APBA2: variants seen among roughly 807,000 people sequenced by gnomAD.
APBA2 encodes amyloid beta precursor protein binding family A member 2, also known as amyloid-beta A4 precursor protein-binding family A member 2.
A neutral mutation model predicts 75.0 loss-of-function variants in APBA2; 30 were observed. The ratio of observed to expected loss-of-function variants is 0.40; its 90% CI spans 0.30 to 0.54. The LOEUF is 0.54. Ranked by LOEUF, APBA2 falls within the 20% of genes least tolerant of loss-of-function variation. APBA2 has a pLI of 0.49. For missense variants in APBA2, 801 were observed against 1,016.1 expected, an observed-to-expected ratio of 0.79 and a Z score of 2.88; for synonymous variants, 444 against 409.6, an observed-to-expected ratio of 1.08 and a Z score of -1.01.
At chr15:29,074,455 A>T (rs1352137608) in intron 4 of APBA2, among the ~76,000 whole-genome samples, 4 of 152,218 alleles carry the variant, frequency 2.6e-5, no homozygotes, top group Non-Finnish European at 5.9e-5. Flanking sequence ...TGCCCAATTC[A>T]CAGAAACAGA....
In APBA2 at chr15:29,043,691, C is replaced by T. The variant is rs895330786; in HGVS notation, c.-40-10154C>T. On this transcript the variant is annotated intron_variant, in intron 3 of 14. Coordinates refer to ENST00000683413, the MANE Select transcript of APBA2 (RefSeq NM_001353788.2). Reference sequence around the variant, plus strand: ...AAATTGTCTTGTGGAAGTGCTAACACTGATTTATCTAGGATCCTGTTATTG... The same window carrying T: ...AAATTGTCTTGTGGAAGTGCTAACATTGATTTATCTAGGATCCTGTTATTG... 5.9e-5 allele frequency among the ~76,000 whole-genome samples: 9 copies of T among 152,314 alleles called. 1 individual carries two copies. The highest frequency in any genetic ancestry group is 1.9e-4 in the African/African-American group (8 of 41,572).
intron 12 of APBA2, 134 bp downstream of exon 12, chr15:29,106,953 CGGTGACT>C (rs2044446930): frequency 1.3e-6 from 1 of 785,788 alleles, no homozygotes; most frequent in South Asian, 1.7e-5. Flanking sequence ...GAGACCCACC[CGGTGACT>C]GGTCGATGAT....
At chr15:28,938,774 G>A (rs985496736) in intron 2 of APBA2, among the ~76,000 whole-genome samples, 1 of 152,170 alleles carries the variant, frequency 6.6e-6, no homozygotes, top group Admixed American at 6.5e-5. Flanking sequence ...CTCCCAAAGT[G>A]CTGGAATCAC....
intron 2 of APBA2, among the ~76,000 whole-genome samples, chr15:28,985,296 C>T (rs77693329): frequency 0.05 from 7,666 of 152,262 alleles, 259 homozygotes; most frequent in Middle Eastern, 0.11. Flanking sequence ...AGATCAGGCT[C>T]CAGCACCCCA....
At chr15:29,023,360 G>A (rs1013846173) in intron 3 of APBA2, among the ~76,000 whole-genome samples, 6 of 147,670 alleles carry the variant, frequency 4.1e-5, no homozygotes, top group Non-Finnish European at 7.5e-5. Context: ...AGTTAAGGGA[G>A]TTTGCTTCTT....
intron 1 of APBA2, among the ~76,000 whole-genome samples, chr15:28,919,812 T>C (rs2033875497): frequency 1.3e-5 from 2 of 152,120 alleles, no homozygotes; most frequent in South Asian, 4.1e-4. Flanking sequence ...GATAACCCCC[T>C]CCTCAGTCCG....
chr15:29,007,878 C>G (rs1218900784), intron 3 of APBA2, among the ~76,000 whole-genome samples: 1 of 152,082 alleles, frequency 6.6e-6, no homozygotes, highest in Non-Finnish European at 1.5e-5. Context: ...CACTTCTGGG[C>G]ATATGCCCAA....
chr15:28,969,942 C>T (rs1477472890), intron 2 of APBA2, among the ~76,000 whole-genome samples: 1 of 152,262 alleles, frequency 6.6e-6, no homozygotes, highest in Admixed American at 6.5e-5. Context: ...AGCCTCCTCG[C>T]TGCCTGCTGG....
chr15:28,990,146 C>T (rs936651371), intron 2 of APBA2, among the ~76,000 whole-genome samples: 2 of 152,106 alleles, frequency 1.3e-5, no homozygotes, highest in Admixed American at 6.5e-5. Context: ...AAGTTAGCTC[C>T]GCTGGGCGCG....
chr15:28,980,862 A>G (rs1019606888), intron 2 of APBA2, among the ~76,000 whole-genome samples: 1 of 152,250 alleles, frequency 6.6e-6, no homozygotes, highest in African/African-American at 2.4e-5. Flanking sequence ...GGAACCGAGT[A>G]GAGAACCCAG....
chr15:29,093,291 C>A, intron 7 of APBA2, 71 bp downstream of exon 7: 2 of 1,581,206 alleles, frequency 1.3e-6, no homozygotes, highest in Non-Finnish European at 1.7e-6. Context: ...GGGAATATGG[C>A]GGGGCGTAGG....
rs185530477 is a variant in APBA2 at position 28,960,836 on chromosome 15, C to T, written c.-94-34917C>T. Among the ~76,000 whole-genome samples, 218 of 151,202 alleles carry T rather than the reference C, an allele frequency of 1.4e-3. 3 individuals are homozygous for T. The highest frequency in any genetic ancestry group is 1.2e-4 in the Non-Finnish European group (8 of 67,740). On this transcript the variant is annotated intron_variant, in intron 2 of 14. Coordinates refer to ENST00000683413, the MANE Select transcript of APBA2 (RefSeq NM_001353788.2). ...GTGCAGTGGTGTGATCTCGGCTCGC[C>T]GCAACCTCCGCCTCCCAGGTTCAAA...
At chr15:29,111,620 G>A (rs557052720) in intron 13 of APBA2, among the ~76,000 whole-genome samples, 49 of 152,178 alleles carry the variant, frequency 3.2e-4, no homozygotes, top group Non-Finnish European at 5.1e-4. Context: ...CCCCAGGTGC[G>A]GACCACACCC....
At chr15:29,047,400 C>G (rs2041389678) in intron 3 of APBA2, among the ~76,000 whole-genome samples, 1 of 152,162 alleles carries the variant, frequency 6.6e-6, no homozygotes, top group South Asian at 2.1e-4. Flanking sequence ...CAGTCCACAG[C>G]CAAGCCATAT....
At chr15:29,101,530 C>T (rs1349722258) in intron 9 of APBA2, 69 bp from the exon 10 acceptor site, 1 of 1,535,720 alleles carries the variant, frequency 6.5e-7, no homozygotes, top group African/African-American at 1.4e-5. Context: ...CCATGCCCAG[C>T]CCTGGAGTAC....
chr15:28,913,858 G>A (rs2033547070), intron 1 of APBA2, among the ~76,000 whole-genome samples: 1 of 152,192 alleles, frequency 6.6e-6, no homozygotes, highest in African/African-American at 2.4e-5. Context: ...TCCTTGCTCT[G>A]GTCTGACATC....
chr15:28,955,802 G>T (rs1426206032), intron 2 of APBA2, among the ~76,000 whole-genome samples: 4 of 152,218 alleles, frequency 2.6e-5, no homozygotes, highest in Non-Finnish European at 4.4e-5. Flanking sequence ...TGAGGGTCGG[G>T]CCAAGGCCTT....
intron 8 of APBA2, among the ~76,000 whole-genome samples, chr15:29,096,039 G>C (rs1406830191): frequency 6.6e-6 from 1 of 152,212 alleles, no homozygotes; most frequent in Non-Finnish European, 1.5e-5. Context: ...GCTCAAAAAG[G>C]CCTCTGCGGC....
chr15:29,056,616 C>CCTTT (rs1474791778), intron 4 of APBA2, among the ~76,000 whole-genome samples: 1 of 58,626 alleles, frequency 1.7e-5, no homozygotes, highest in Non-Finnish European at 3.1e-5. Flanking sequence ...CTCCCTCCTT[C>CCTTT]TCTCCCTCCC....
Sources: gnomAD v4.1 joint callset for allele counts (sites outside exome capture counted in the v4.1 genomes callset) on GRCh38, gnomAD v4.1.1 for gene constraint, MANE v1.5 for transcripts, NCBI Gene and HGNC (gene_info 2026-07-23, HGNC 2026-07-21) for gene names.